PDE4A: variants seen among roughly 807,000 people sequenced by gnomAD.
The protein encoded by PDE4A is phosphodiesterase 4A, also known as 3',5'-cyclic-AMP phosphodiesterase 4A.
Under a neutral mutation model 73.9 loss-of-function variants are expected in PDE4A, and 21 were observed. The observed-to-expected ratio is 0.28, with a 90% CI of 0.20 to 0.41. The LOEUF (loss-of-function observed/expected upper bound fraction) is 0.41, where lower values mean the gene tolerates loss of function less well. PDE4A is among the 10% of genes least tolerant of loss of function. The pLI is 1.00. For synonymous variants in PDE4A, 463 were observed against 505.4 expected (o/e 0.92, Z 1.13); for missense variants, 958 against 1,211.4 (o/e 0.79, Z 3.10).
At chr19:10,450,699 G>C (rs749626317) in intron 5 of PDE4A, 47 bp downstream of exon 5, 3 of 1,592,262 alleles carry the variant, frequency 1.9e-6, no homozygotes, top group Non-Finnish European at 2.6e-6. Flanking sequence ...TGCTGCCCCA[G>C]TGGGGGTCCC....
In PDE4A at chr19:10,453,262, A is replaced by G. The variant is rs747437392; in HGVS notation, c.784-1567A>G. 3 of 1,612,356 alleles carry G rather than the reference A, an allele frequency of 1.9e-6. No homozygotes were observed. The highest frequency in any genetic ancestry group is 2.5e-6 in the Non-Finnish European group (3 of 1,179,324). On this transcript the variant is annotated intron_variant, in intron 6 of 14. Transcript: ENST00000380702. This position sits in a 1 kb window ranked among gnomAD's most constrained non-coding sequence, Gnocchi z 4.6. ...CAGCCCCAGGCGGGCTAAGTCTCCA[A>G]GATGCCCTTGGTGGATTTCTTCTGC...
chr19:10,461,776 C>T, intron 12 of PDE4A, 96 bp downstream of exon 12: 2 of 1,582,038 alleles, frequency 1.3e-6, no homozygotes, highest in East Asian at 4.5e-5. Flanking sequence ...AACCCTCAAC[C>T]TGGACAGAGC....
intron 7 of PDE4A, 45 bp downstream of exon 7, chr19:10,454,967 G>A: frequency 2.5e-6 from 4 of 1,593,372 alleles, no homozygotes; most frequent in Non-Finnish European, 3.4e-6. Context: ...GACATTTGGG[G>A]TAGAGAGGGG....
At position 10,446,245 on chromosome 19, in the gene PDE4A, A is replaced by G. The variant is rs998766017; in HGVS notation, c.348A>G (p.Pro116=). The change falls in exon 2 of 15, where the codon CCA becomes CCG. Residue 116 remains proline (P), a synonymous_variant. Transcript: ENST00000380702. Reference sequence around the variant, plus strand: ...TCGAGGCAGAGAATGGGCCGACACCATCTCCTGGCCGCAGCCCCCTGGACT... The same window carrying G: ...TCGAGGCAGAGAATGGGCCGACACCGTCTCCTGGCCGCAGCCCCCTGGACT... ...RRFEAENGPT[P]SPGRSPLDSQ... 4.4e-6 allele frequency: 7 copies of G among 1,588,230 alleles called. No individual in the cohort carries two copies. Among genetic ancestry groups the G allele is most frequent in the Non-Finnish European group, 6.0e-6 (7 of 1,167,894 alleles).
intron 7 of PDE4A, among the ~76,000 whole-genome samples, chr19:10,455,413 G>A (rs1487950723): frequency 2.0e-5 from 3 of 149,434 alleles, no homozygotes; most frequent in South Asian, 2.1e-4. Flanking sequence ...GCAGTGAGCC[G>A]AGATCGCTCC....
chr19:10,457,979 A>G lies in PDE4A; in HGVS notation c.978A>G (p.Val326=). The G allele has an allele frequency of 1.2e-6, 2 of 1,613,158 alleles. No homozygotes were observed. The highest frequency in any genetic ancestry group is 1.7e-6 in the Non-Finnish European group (2 of 1,179,300). The change falls in exon 8 of 15, where the codon GTA becomes GTG. Residue 326 remains valine, a synonymous_variant. Transcript: ENST00000380702. The part of the protein sequence containing the change: ...PRPSQPPPPP[V]PHLQPMSQIT... ...CCTCCCAGCCGCCCCCGCCCCCTGT[A>G]CCACACTTACAGCCCATGTCCCAAA...
At chr19:10,443,962 G>A (rs1048016748) in intron 1 of PDE4A, among the ~76,000 whole-genome samples, 14 of 147,110 alleles carry the variant, frequency 9.5e-5, no homozygotes, top group African/African-American at 2.3e-4. Context: ...AGCCAAGATC[G>A]CATCACTGGA....
At chr19:10,440,659 C>T (rs780684462) in intron 1 of PDE4A, among the ~76,000 whole-genome samples, 18 of 152,060 alleles carry the variant, frequency 1.2e-4, no homozygotes, top group Non-Finnish European at 2.1e-4. Context: ...AGTGCAATGT[C>T]GCGATCTCAG....
chr19:10,465,683 C>CTTTTTTTTTGTTTTTTTTTTTTTT (rs2043355339), intron 14 of PDE4A, among the ~76,000 whole-genome samples: 1 of 48,366 alleles, frequency 2.1e-5, no homozygotes, highest in African/African-American at 8.1e-5. Flanking sequence ...GTGGCTTTAG[C>CTTTTTTTTTGTTTTTTTTTTTTTT]TTTTTTTTTT....
At chr19:10,416,981 C>T, upstream of PDE4A, 3 of 1,541,408 alleles carry the variant, frequency 1.9e-6, no homozygotes, top group Non-Finnish European at 2.6e-6. Flanking sequence ...TGGCAGGGAC[C>T]GGGGACGAGG....
chr19:10,432,674 T>A, intron 1 of PDE4A: 1 of 1,153,676 alleles, frequency 8.7e-7, no homozygotes, highest in Non-Finnish European at 1.2e-6. Flanking sequence ...GTCCCCTAAG[T>A]GGCTTCCAGG....
intron 7 of PDE4A, 51 bp downstream of exon 7, chr19:10,454,973 AG>A (rs71162071): frequency 1.3e-6 from 2 of 1,572,750 alleles, no homozygotes. Flanking sequence ...TGGGGTAGAG[AG>A]GGGGCTGCCC....
intron 1 of PDE4A, among the ~76,000 whole-genome samples, chr19:10,435,011 G>A (rs1350662364): frequency 6.6e-6 from 1 of 150,894 alleles, no homozygotes; most frequent in Non-Finnish European, 1.5e-5. Context: ...CAACAGGCAT[G>A]AGCCACGGCG....
At chr19:10,419,052 C>T, upstream of PDE4A, 3 of 827,650 alleles carry the variant, frequency 3.6e-6, no homozygotes, top group Non-Finnish European at 2.8e-6. Context: ...TGAAGACCGG[C>T]AGTCTTTTTT....
Position 10,420,612 on chromosome 19 carries a change from C to T in PDE4A, c.-153C>T. ...AGAGCCCGGCCCGGGGGCGATTGGC[C>T]CGCAGCGCCCCCGGGTCTGTCCCCG... On this transcript the variant is annotated 5_prime_UTR_variant, in exon 1 of 15. Transcript: ENST00000380702. This position sits in a 1 kb window ranked among gnomAD's most constrained non-coding sequence, Gnocchi z 6.0. The T allele has an allele frequency of 1.5e-6, 2 of 1,303,530 alleles. No homozygotes were observed. Among genetic ancestry groups the T allele is most frequent in the Non-Finnish European group, 1.9e-6 (2 of 1,031,300 alleles). The allele number at this position is 1,303,530 out of a possible 1,614,324, so 80.7% of individuals were successfully genotyped here. A position where few individuals can be genotyped will look rare whatever the true frequency, so the allele number is the denominator to read the frequency against.
At position 10,420,825 on chromosome 19, in the gene PDE4A, G is replaced by A. The variant is rs1173986650; in HGVS notation, c.61G>A (p.Glu21Lys). 1 of 1,587,882 alleles carries A rather than the reference G, an allele frequency of 6.3e-7. No individual in the cohort carries two copies. The highest frequency in any genetic ancestry group is 8.5e-7 in the Non-Finnish European group (1 of 1,175,140). Residue 21 changes from glutamate to lysine, a missense_variant, in exon 1 of 15, where the codon GAG becomes AAG. Around this residue, in one of 3 missense-constraint regions of PDE4A, gnomAD observed 145 missense variants for 137.8 expected, o/e 1.05. Coordinates refer to ENST00000380702, the MANE Select transcript of PDE4A (RefSeq NM_001111307.2). This position sits in a 1 kb window ranked among gnomAD's most constrained non-coding sequence, Gnocchi z 6.0. ...GTCTCTGTCACTGCCCGGGCCCCGG[G>A]AGGGCCAGGCCACCCTGAAGCCTCC... ...SLSLSLPGPR[E>K]GQATLKPPPQ... is the part of the protein sequence containing the mutation.
intron 1 of PDE4A, chr19:10,429,106 A>G (rs1399510621): frequency 6.6e-6 from 1 of 152,170 alleles, no homozygotes; most frequent in African/African-American, 2.4e-5. Context: ...CTGATGAAAA[A>G]GAAAGAAAGA....
intron 1 of PDE4A, chr19:10,428,632 G>C (rs1400275537): frequency 4.0e-6 from 1 of 251,160 alleles, no homozygotes; most frequent in Non-Finnish European, 6.3e-6. Context: ...AGCTTTTTAT[G>C]TGTCCATCCA....
At chr19:10,431,392 C>T (rs1208512082) in intron 1 of PDE4A, among the ~76,000 whole-genome samples, 1 of 152,242 alleles carries the variant, frequency 6.6e-6, no homozygotes, top group Non-Finnish European at 1.5e-5. Context: ...GTGTTCAGTT[C>T]TGTCAGCCTC....
Sources: allele counts gnomAD v4.1 joint callset (sites outside exome capture counted in the v4.1 genomes callset), GRCh38; gene constraint gnomAD v4.1.1; regional missense constraint gnomAD v4.1.1; non-coding constraint Gnocchi (gnomAD v3.1); transcripts MANE v1.5; gene names NCBI Gene and HGNC (gene_info 2026-07-23, HGNC 2026-07-21).